PIMREG: variants seen among roughly 807,000 people sequenced by gnomAD.
PIMREG encodes the protein protein PIMREG.
In PIMREG, 19 loss-of-function variants were observed where a neutral mutation model predicts 24.3. The observed-to-expected ratio is 0.78, with a 90% CI of 0.54 to 1.15. PIMREG has a LOEUF of 1.15. PIMREG is among the 50% of genes most tolerant of loss of function. The pLI is 0.00. For synonymous variants in PIMREG, 112 were observed against 124.1 expected (o/e 0.90, Z 0.65); for missense variants, 283 against 306.8 (o/e 0.92, Z 0.58).
rs766109028 is a variant in PIMREG, at chr17:6,445,297, C to T, written c.187C>T (p.Leu63Phe). 56 of 1,613,986 alleles carry T rather than the reference C, an allele frequency of 3.5e-5. No homozygotes were observed. The highest frequency in any genetic ancestry group is 4.5e-5 in the Non-Finnish European group (53 of 1,180,014). The change falls in exon 2 of 6, where the codon CTC becomes TTC. Residue 63 changes from leucine to phenylalanine, a missense_variant. Physicochemically the swap from Leu to Phe is conservative, Grantham distance 22. Coordinates refer to ENST00000572447, the MANE Select transcript of PIMREG (RefSeq NM_019013.3). The part of the protein sequence containing the change: ...RLPLRAVNLN[L>F]RAGPSWKRLE... ...GCCCCTGAGAGCCGTCAACCTCAAC[C>T]TCCGCGCAGGGCCCTCCTGGAAACG...
In PIMREG at chr17:6,451,052, C is replaced by T. The variant is rs1405742474; in HGVS notation, c.*705C>T. The T allele has an allele frequency of 6.6e-6, 1 of 152,224 alleles. No homozygotes were observed. 9.4% of individuals were successfully genotyped at this position (152,224 alleles called of 1,614,324 possible). Reference sequence around the variant, plus strand: ...TAACACTGCTTTCTCATAATAAAGACTATTTGCATTTGACATCTGTTCCCT... The same window carrying T: ...TAACACTGCTTTCTCATAATAAAGATTATTTGCATTTGACATCTGTTCCCT... On this transcript the variant is annotated 3_prime_UTR_variant, in exon 6 of 6. Coordinates refer to ENST00000572447, the MANE Select transcript of PIMREG (RefSeq NM_019013.3).
At chr17:6,449,590 GGTAAAGGAT>G in intron 4 of PIMREG, 183 bp downstream of exon 4, 1 of 1,080,424 alleles carries the variant, frequency 9.3e-7, no homozygotes, top group Non-Finnish European at 1.3e-6. Context: ...CTGGGGTGAT[GGTAAAGGAT>G]GTAGCCTGAA....
At position 6,450,466 on chromosome 17, in the gene PIMREG, C is replaced by T. The variant is rs540195464; in HGVS notation, c.*119C>T. 17 of 1,483,236 alleles carry T rather than the reference C, an allele frequency of 1.1e-5. No individual in the cohort carries two copies. The African/African-American group carries it at 1.9e-4, about 17-fold the overall frequency. 91.9% of individuals were successfully genotyped at this position (1,483,236 alleles called of 1,614,324 possible). On this transcript the variant is annotated 3_prime_UTR_variant, in exon 6 of 6. Transcript: ENST00000572447. ...CCGGGAGTCGTCAGTACCCCTGGGC[C>T]ACTGCTAACAAGCACCTAACAAGGG... is the stretch of plus-strand genomic sequence containing the variant.
intron 2 of PIMREG, 51 bp from the exon 3 acceptor site, chr17:6,447,412 G>C (rs372815619): frequency 1.3e-6 from 2 of 1,578,826 alleles, no homozygotes; most frequent in Non-Finnish European, 1.7e-6. Context: ...CACCGCGCCC[G>C]GCCTAACTTT....
rs757340248 is a variant in PIMREG, at chr17:6,450,028, T to G, written c.687T>G (p.Ser229Arg). The change falls in exon 5 of 6, where the codon AGT (serine) becomes AGG (arginine). Residue 229 changes from serine (S) to arginine (R), a missense_variant and splice_region_variant. Physicochemically the swap from Ser to Arg is moderately radical, Grantham distance 110 (BLOSUM62 -1). Transcript: ENST00000572447. ...ELDEAIMAEE[S>R]GDIVSLIHD is the part of the protein sequence containing the mutation. ...CATCAATCCCTCCCCTTCTCTCTAG[T>G]GGTGACATCGTCTCTCTCATTCATG... The G allele has an allele frequency of 4.3e-6, 7 of 1,614,004 alleles. No individual in the cohort carries two copies. The highest frequency in any genetic ancestry group is 5.9e-6 in the Non-Finnish European group (7 of 1,179,986).
At chr17:6,447,308 G>A in intron 2 of PIMREG, 155 bp from the exon 3 acceptor site, 1 of 799,608 alleles carries the variant, frequency 1.3e-6, no homozygotes, top group Non-Finnish European at 2.0e-6. Flanking sequence ...TAGAAATGGG[G>A]TTACACCATG....
At position 6,444,956 on chromosome 17, in the gene PIMREG, C is replaced by T. The variant is rs1240262756; in HGVS notation, c.-35-120C>T. The T allele has an allele frequency of 9.8e-6, 7 of 713,218 alleles. No homozygotes were observed. Among genetic ancestry groups the T allele is most frequent in the African/African-American group, 9.0e-5 (5 of 55,380 alleles). 44.2% of individuals were successfully genotyped at this position (713,218 alleles called of 1,614,324 possible). ...TCCTTCCTGCACCCACACTTACCAA[C>T]TCGCCCGCCCCCGCCACCCCGCTGC... On this transcript the variant is annotated intron_variant, in intron 1 of 5. Transcript: ENST00000572447. This position sits in a 1 kb window ranked among gnomAD's most constrained non-coding sequence, Gnocchi z 4.3.
chr17:6,447,111 T>C lies in PIMREG; in HGVS notation c.295-352T>C, dbSNP rs1913604310. Among the ~76,000 whole-genome samples, 5 of 34,488 alleles carry C rather than the reference T, an allele frequency of 1.4e-4. No individual in the cohort carries two copies. In the South Asian group the frequency reaches 3.6e-3, roughly 25 times the overall value. 22.6% of individuals were successfully genotyped at this position (34,488 alleles called of 152,430 possible). A position where few individuals can be genotyped will look rare whatever the true frequency, so the allele number is the denominator to read the frequency against. On this transcript the variant is annotated intron_variant, in intron 2 of 5. Transcript: ENST00000572447. ...AGCTCACCCTTGGTTTTTTTTTTTG[T>C]TGTTGTTTGTTTGTTTTCGAGACAG...
rs1913528927 is a variant in PIMREG, at chr17:6,445,294, A to G, written c.184A>G (p.Asn62Asp). The G allele has an allele frequency of 1.9e-6, 3 of 1,613,620 alleles. No individual in the cohort carries two copies. Among genetic ancestry groups the G allele is most frequent in the Non-Finnish European group, 2.5e-6 (3 of 1,179,892 alleles). The change falls in exon 2 of 6, where the codon AAC becomes GAC. Residue 62 changes from asparagine to aspartate, a missense_variant. Transcript: ENST00000572447. ...GCTGCCCCTGAGAGCCGTCAACCTCAACCTCCGCGCAGGGCCCTCCTGGAA... is the reference window on the plus strand; with the variant it reads ...GCTGCCCCTGAGAGCCGTCAACCTCGACCTCCGCGCAGGGCCCTCCTGGAA... ...RRLPLRAVNL[N>D]LRAGPSWKRL... is the part of the protein sequence containing the mutation.
At position 6,450,455 on chromosome 17, in the gene PIMREG, T is replaced by G. The variant is rs574351644; in HGVS notation, c.*108T>G. ...GGAAAAAACCCCCGGGAGTCGTCAG[T>G]ACCCCTGGGCCACTGCTAACAAGCA... On this transcript the variant is annotated 3_prime_UTR_variant, in exon 6 of 6. Coordinates refer to ENST00000572447, the MANE Select transcript of PIMREG (RefSeq NM_019013.3). 35 of 1,532,184 alleles carry G rather than the reference T, an allele frequency of 2.3e-5. No homozygotes were observed. The highest frequency in any genetic ancestry group is 1.7e-4 in the Middle Eastern group (1 of 5,918). The allele number at this position is 1,532,184 out of a possible 1,614,324, so 94.9% of individuals were successfully genotyped here. A position where few individuals can be genotyped will look rare whatever the true frequency, so the allele number is the denominator to read the frequency against.
At chr17:6,447,201 T>G in intron 2 of PIMREG, 1 of 379,920 alleles carries the variant, frequency 2.6e-6, no homozygotes, top group Non-Finnish European at 4.9e-6. Flanking sequence ...AACCTCCGCC[T>G]CCCGGGTTCA....
At chr17:6,449,241 G>T in intron 3 of PIMREG, 71 bp from the exon 4 acceptor site, 1 of 1,364,988 alleles carries the variant, frequency 7.3e-7, no homozygotes, top group East Asian at 2.3e-5. Flanking sequence ...CCACACCCCG[G>T]TACCGGGTTG....
In PIMREG at chr17:6,445,338, G is replaced by C. The variant is rs1306350153; in HGVS notation, c.228G>C (p.Glu76Asp). 6.2e-7 allele frequency: 1 copy of C among 1,614,052 alleles called. No homozygotes were observed. The highest frequency in any genetic ancestry group is 8.5e-7 in the Non-Finnish European group (1 of 1,180,042). ...GPSWKRLETP[E>D]PGQQGLQAAA... ...CCTGGAAACGCCTGGAAACCCCAGA[G>C]CCAGGTCAGCAGGGCCTCCAGGCTG... Residue 76 changes from glutamate to aspartate, a missense_variant, in exon 2 of 6, where the codon GAG becomes GAC. Transcript: ENST00000572447.
intron 3 of PIMREG, 29 bp from the exon 4 acceptor site, chr17:6,449,283 T>G (rs1913710409): frequency 6.3e-7 from 1 of 1,591,394 alleles, no homozygotes; most frequent in Admixed American, 1.8e-5. Context: ...TTCCAACTAG[T>G]CACTGGTGTG....
At position 6,447,581 on chromosome 17, in the gene PIMREG, A is replaced by G. The variant is rs1276994292; in HGVS notation, c.413A>G (p.Gln138Arg). ...GSGSPTHSLS[Q>R]KSTRLSGAAP... ...GGATCCCCAACTCACAGCCTGAGCCAGAAGAGCACCCGGCTGTCTGGAGCC... is the reference window on the plus strand; with the variant it reads ...GGATCCCCAACTCACAGCCTGAGCCGGAAGAGCACCCGGCTGTCTGGAGCC... The change falls in exon 3 of 6, where the codon CAG becomes CGG. Residue 138 changes from glutamine (Q) to arginine (R), a missense_variant. Coordinates refer to ENST00000572447, the MANE Select transcript of PIMREG (RefSeq NM_019013.3). 1 of 1,614,052 alleles carries G rather than the reference A, an allele frequency of 6.2e-7. No individual in the cohort carries two copies. The highest frequency in any genetic ancestry group is 8.5e-7 in the Non-Finnish European group (1 of 1,180,030).
intron 3 of PIMREG, 84 bp downstream of exon 3, chr17:6,447,842 C>T (rs1913645931): frequency 9.0e-6 from 13 of 1,446,926 alleles, no homozygotes; most frequent in Non-Finnish European, 1.2e-5. Context: ...CAGACACCAA[C>T]TGGGCCCTAG....
intron 2 of PIMREG, among the ~76,000 whole-genome samples, chr17:6,446,807 C>T (rs553896192): frequency 3.9e-5 from 6 of 152,220 alleles, no homozygotes; most frequent in Admixed American, 6.5e-5. Flanking sequence ...GGGTGCTGGG[C>T]GGGGTGGCCT....
intron 3 of PIMREG, 92 bp from the exon 4 acceptor site, chr17:6,449,219 TG>T: frequency 9.5e-7 from 1 of 1,056,156 alleles, no homozygotes; most frequent in Non-Finnish European, 1.4e-6. Flanking sequence ...CAGGGTCATC[TG>T]GGCCCACAGA....
At chr17:6,449,121 C>A (rs1488857551) in intron 3 of PIMREG, among the ~76,000 whole-genome samples, 191 bp from the exon 4 acceptor site, 1 of 152,202 alleles carries the variant, frequency 6.6e-6, no homozygotes, top group African/African-American at 2.4e-5. Flanking sequence ...TTGCCCGTGA[C>A]CTTGGCCTCG....
Sources: gnomAD v4.1 joint callset for allele counts (sites outside exome capture counted in the v4.1 genomes callset) on GRCh38, gnomAD v4.1.1 for gene constraint, Gnocchi (gnomAD v3.1) non-coding constraint, MANE v1.5 for transcripts, NCBI Gene and HGNC (gene_info 2026-07-23, HGNC 2026-07-21) for gene names.